Variants in PPARGC1B observed in about 807,000 individuals in gnomAD.
PPARGC1B encodes PPARG coactivator 1 beta, also known as peroxisome proliferator-activated receptor gamma coactivator 1-beta.
In PPARGC1B, 34 loss-of-function variants were observed where a neutral mutation model predicts 101.6. The observed-to-expected ratio is 0.33, with a 90% confidence interval of 0.25 to 0.45. The LOEUF (loss-of-function observed/expected upper bound fraction) is 0.45, where lower values mean the gene tolerates loss of function less well. Ranked by LOEUF, PPARGC1B falls within the 20% of genes least tolerant of loss-of-function variation. The probability of loss-of-function intolerance (pLI) is 1.00; values close to 1 mark genes in which losing one functional copy is unlikely to be tolerated. For missense variants in PPARGC1B, 1,234 were observed against 1,317.6 expected, an observed-to-expected ratio of 0.94 and a Z score of 0.98; for synonymous variants, 548 against 539.3, an observed-to-expected ratio of 1.02 and a Z score of -0.22.
rs1199839991 is a variant in PPARGC1B at position 149,755,052 on chromosome 5, C to CATATATATATATATATATAT, written c.78+24634_78+24653dup. On this transcript the variant is annotated intron_variant, in intron 1 of 11. Transcript: ENST00000309241. ...TACACTACATATACATATACATATACATATATATATATATATATATAATTT... is the reference window on the plus strand; with the variant it reads ...TACACTACATATACATATACATATACATATATATATATATATATATATATATATATATATATATATAATTT... Among the ~76,000 whole-genome samples, 372 of 108,850 alleles carry CATATATATATATATATATAT rather than the reference C, an allele frequency of 3.4e-3. 5 individuals are homozygous for CATATATATATATATATATAT. Among genetic ancestry groups the CATATATATATATATATATAT allele is most frequent in the African/African-American group, 0.012 (318 of 26,526 alleles). The allele number at this position is 108,850 out of a possible 152,430, so 71.4% of individuals were successfully genotyped here.
chr5:149,835,458 T>C lies in PPARGC1B; in HGVS notation c.1807+93T>C, dbSNP rs532309473. ...CATGCATGGGCAAGGTGCCACGCAA[T>C]GAACGATGCGCAAGATGCCTGCCTT... On this transcript the variant is annotated intron_variant, in intron 7 of 11. Coordinates refer to ENST00000309241, the MANE Select transcript of PPARGC1B (RefSeq NM_133263.4). The C allele has an allele frequency of 2.2e-3, 2,429 of 1,129,270 alleles. 5 individuals are homozygous for C. The highest frequency in any genetic ancestry group is 2.6e-3 in the Non-Finnish European group (1,969 of 751,848). The allele number at this position is 1,129,270 out of a possible 1,614,324, so 70.0% of individuals were successfully genotyped here. A position where few individuals can be genotyped will look rare whatever the true frequency, so the allele number is the denominator to read the frequency against.
At chr5:149,802,334 C>T (rs1271764282) in intron 1 of PPARGC1B, among the ~76,000 whole-genome samples, 4 of 152,148 alleles carry the variant, frequency 2.6e-5, no homozygotes, top group Non-Finnish European at 4.4e-5. Flanking sequence ...TGAGCTGAAC[C>T]GGTTGTGTCT....
At chr5:149,805,563 C>T (rs558629956) in intron 1 of PPARGC1B, among the ~76,000 whole-genome samples, 4 of 152,220 alleles carry the variant, frequency 2.6e-5, no homozygotes, top group African/African-American at 9.6e-5. Context: ...CCTCTGCCTC[C>T]CGAATAGCTG....
chr5:149,759,967 G>A (rs1755662874), intron 1 of PPARGC1B, among the ~76,000 whole-genome samples: 1 of 152,188 alleles, frequency 6.6e-6, no homozygotes, highest in Non-Finnish European at 1.5e-5. Context: ...CTGTGAGTTG[G>A]AACACCCATT....
At position 149,833,227 on chromosome 5, in the gene PPARGC1B, C is replaced by A. The variant is rs368049932; in HGVS notation, c.1154C>A (p.Pro385His). 40 of 1,613,236 alleles carry A rather than the reference C, an allele frequency of 2.5e-5. No homozygotes were observed. The highest frequency in any genetic ancestry group is 4.4e-5 in the South Asian group (4 of 91,078). The change falls in exon 5 of 12, where the codon CCT becomes CAT. Residue 385 changes from proline to histidine, a missense_variant. Physicochemically the swap from Pro to His is moderately conservative, Grantham distance 77. Around this residue, in one of 3 missense-constraint regions of PPARGC1B, gnomAD observed 734 missense variants for 768.4 expected, o/e 0.96. Transcript: ENST00000309241. This position sits in a 1 kb window ranked among gnomAD's most constrained non-coding sequence, Gnocchi z 4.1. ...PRPPKDSQAS[P>H]GRPSSVEEVR... ...CCCCCCAAAGACAGTCAGGCCTCCC[C>A]TGGTCGCCCGTCCTCGGTGGAGGAG... is the stretch of plus-strand genomic sequence containing the variant.
chr5:149,809,440 C>CGTAG (rs779860877), intron 1 of PPARGC1B, among the ~76,000 whole-genome samples: 1 of 82,872 alleles, frequency 1.2e-5, no homozygotes, highest in Non-Finnish European at 2.6e-5. Flanking sequence ...CCATCTCTAC[C>CGTAG]ATAGATAGAT....
At chr5:149,731,261 G>A (rs1754454285) in intron 1 of PPARGC1B, among the ~76,000 whole-genome samples, 1 of 152,166 alleles carries the variant, frequency 6.6e-6, no homozygotes, top group Admixed American at 6.5e-5. Context: ...CGAGGAAGCT[G>A]GTGGCTTGGA....
At chr5:149,737,302 C>T (rs1387401181) in intron 1 of PPARGC1B, among the ~76,000 whole-genome samples, 1 of 152,102 alleles carries the variant, frequency 6.6e-6, no homozygotes, top group Non-Finnish European at 1.5e-5. Flanking sequence ...CGAAGGCCTT[C>T]GGGTACTTTT....
At chr5:149,793,527 C>A (rs1757099031) in intron 1 of PPARGC1B, among the ~76,000 whole-genome samples, 2 of 152,210 alleles carry the variant, frequency 1.3e-5, no homozygotes, top group African/African-American at 4.8e-5. Context: ...TCTCCAGCAG[C>A]CTCTGCCTTC....
In PPARGC1B at chr5:149,853,938, G is replaced by GT. The variant is rs1213012550; in HGVS notation, c.*6382dup. On this transcript the variant is annotated 3_prime_UTR_variant, in exon 12 of 12. Coordinates refer to ENST00000309241, the MANE Select transcript of PPARGC1B (RefSeq NM_133263.4). This position sits in a 1 kb window ranked among gnomAD's most constrained non-coding sequence, Gnocchi z 4.2. ...CCCCCTCGCCTCCTTGTGCCATGTT[G>GT]TTAGCATTGGCTTGGAGCATCTGCT... 6.6e-6 allele frequency: 1 copy of GT among 152,158 alleles called. No individual in the cohort carries two copies. The highest frequency in any genetic ancestry group is 2.4e-5 in the African/African-American group (1 of 41,434). 9.4% of individuals were successfully genotyped at this position (152,158 alleles called of 1,614,324 possible). A position where few individuals can be genotyped will look rare whatever the true frequency, so the allele number is the denominator to read the frequency against.
chr5:149,809,990 G>GC (rs1369230659), intron 1 of PPARGC1B, among the ~76,000 whole-genome samples: 1 of 152,158 alleles, frequency 6.6e-6, no homozygotes, highest in Admixed American at 6.5e-5. Flanking sequence ...CAGCACAGAG[G>GC]CCCCGGGGTG....
intron 1 of PPARGC1B, among the ~76,000 whole-genome samples, chr5:149,743,225 G>A (rs553837077): frequency 6.9e-6 from 1 of 145,842 alleles, no homozygotes; most frequent in South Asian, 2.2e-4. Context: ...GTGTGATCTC[G>A]GCTCACTGCA....
chr5:149,826,074 G>T (rs1452714216), intron 2 of PPARGC1B, among the ~76,000 whole-genome samples: 1 of 152,188 alleles, frequency 6.6e-6, no homozygotes, highest in Non-Finnish European at 1.5e-5. Flanking sequence ...GAGGTGCTAA[G>T]TATGGGACCT....
intron 3 of PPARGC1B, among the ~76,000 whole-genome samples, chr5:149,829,728 C>T (rs568561767): frequency 6.6e-6 from 1 of 151,290 alleles, no homozygotes; most frequent in East Asian, 1.9e-4. Context: ...GTGTAGTCTT[C>T]CACTTGTGTA....
At position 149,840,128 on chromosome 5, in the gene PPARGC1B, G is replaced by A. The variant is rs759731011; in HGVS notation, c.2694+12G>A. On this transcript the variant is annotated intron_variant, in intron 9 of 11. Coordinates refer to ENST00000309241, the MANE Select transcript of PPARGC1B (RefSeq NM_133263.4). ...GGGAAAAGGCCATTGTAAGTGATCT[G>A]GGGGCCCAGAGCCTGGAGTGAATGG... The A allele has an allele frequency of 6.2e-7, 1 of 1,608,012 alleles. No homozygotes were observed. The highest frequency in any genetic ancestry group is 8.5e-7 in the Non-Finnish European group (1 of 1,176,828).
chr5:149,762,730 G>C (rs187020047), intron 1 of PPARGC1B, among the ~76,000 whole-genome samples: 1 of 152,172 alleles, frequency 6.6e-6, no homozygotes, highest in Non-Finnish European at 1.5e-5. Flanking sequence ...TGGCAACTTG[G>C]GTTTTGAGCT....
At chr5:149,831,550 C>T (rs552304967) in intron 4 of PPARGC1B, among the ~76,000 whole-genome samples, 151 of 152,304 alleles carry the variant, frequency 9.9e-4, no homozygotes, top group African/African-American at 3.5e-3. Flanking sequence ...GAATGAGTCC[C>T]TATGCTCCCT....
chr5:149,746,027 C>A (rs991377848), intron 1 of PPARGC1B, among the ~76,000 whole-genome samples: 11 of 152,174 alleles, frequency 7.2e-5, no homozygotes, highest in African/African-American at 2.7e-4. Flanking sequence ...GGTCCCAGAC[C>A]ATGCAGTAGC....
At chr5:149,834,344 A>G (rs1287243005) in intron 5 of PPARGC1B, among the ~76,000 whole-genome samples, 1 of 152,216 alleles carries the variant, frequency 6.6e-6, no homozygotes, top group Non-Finnish European at 1.5e-5. Flanking sequence ...CTTAATGATG[A>G]GCCCTATGCA....
Sources: gnomAD v4.1 joint callset for allele counts (sites outside exome capture counted in the v4.1 genomes callset) on GRCh38, gnomAD v4.1.1 for gene constraint, gnomAD v4.1.1 regional missense constraint, Gnocchi (gnomAD v3.1) non-coding constraint, MANE v1.5 for transcripts, NCBI Gene and HGNC (gene_info 2026-07-23, HGNC 2026-07-21) for gene names.